KCNH1: variants seen among roughly 807,000 people sequenced by gnomAD.
KCNH1 encodes the protein voltage-gated delayed rectifier potassium channel KCNH1.
KCNH1 carries 27 observed loss-of-function variants against 69.2 expected under a neutral mutation model. That is an observed-to-expected ratio of 0.39 (90% CI 0.29 to 0.54). The LOEUF (loss-of-function observed/expected upper bound fraction) is 0.54. Ranked by LOEUF, KCNH1 falls within the 20% of genes least tolerant of loss-of-function variation. KCNH1 has a pLI of 0.68. For synonymous variants in KCNH1, 456 were observed against 487.7 expected (o/e 0.93, Z 0.86); for missense variants, 798 against 1,261.6 (o/e 0.63, Z 5.57).
chr1:211,056,708 T>C (rs1458085294), intron 5 of KCNH1, among the ~76,000 whole-genome samples: 1 of 152,126 alleles, frequency 6.6e-6, no homozygotes, highest in Non-Finnish European at 1.5e-5. Flanking sequence ...AGACACTCCA[T>C]TGGTTTGGGA....
At chr1:210,843,204 C>A (rs1685459842) in intron 7 of KCNH1, among the ~76,000 whole-genome samples, 1 of 152,158 alleles carries the variant, frequency 6.6e-6, no homozygotes, top group South Asian at 2.1e-4. Flanking sequence ...AGCTCTGCTG[C>A]TTAGGTTGAG....
chr1:211,035,683 T>G (rs183113493), intron 5 of KCNH1, among the ~76,000 whole-genome samples: 5 of 152,294 alleles, frequency 3.3e-5, no homozygotes, highest in Admixed American at 3.3e-4. Flanking sequence ...CACCCTGATA[T>G]AAACTCTTTA....
intron 10 of KCNH1, among the ~76,000 whole-genome samples, chr1:210,684,992 T>C (rs1681377995): frequency 6.6e-6 from 1 of 152,180 alleles, no homozygotes; most frequent in Admixed American, 6.5e-5. Context: ...AAGGGACTTG[T>C]ACCCAAGGTA....
intron 7 of KCNH1, among the ~76,000 whole-genome samples, chr1:210,899,000 T>C (rs1574326024): frequency 6.6e-6 from 1 of 152,286 alleles, no homozygotes; most frequent in East Asian, 1.9e-4. Flanking sequence ...TGGTTTTTAA[T>C]CAGTCTCATT....
intron 10 of KCNH1, among the ~76,000 whole-genome samples, chr1:210,744,599 G>A (rs945875005): frequency 2.6e-5 from 4 of 152,128 alleles, no homozygotes; most frequent in African/African-American, 9.7e-5. Context: ...AGCCAAAATT[G>A]TGCCACTGCA....
At position 210,678,523 on chromosome 1, in the gene KCNH1, T is replaced by C. The variant is rs1681190030; in HGVS notation, c.*4758A>G. 1 of 152,182 alleles carries C rather than the reference T, an allele frequency of 6.6e-6. No individual in the cohort carries two copies. Among genetic ancestry groups the C allele is most frequent in the African/African-American group, 2.4e-5 (1 of 41,436 alleles). The allele number at this position is 152,182 out of a possible 1,614,324, so 9.4% of individuals were successfully genotyped here. A position where few individuals can be genotyped will look rare whatever the true frequency, so the allele number is the denominator to read the frequency against. On this transcript the variant is annotated 3_prime_UTR_variant, in exon 11 of 11. Coordinates refer to ENST00000271751, the MANE Select transcript of KCNH1 (RefSeq NM_172362.3). ...AAATAGTATCAGCTCATTTACACTT[T>C]TGTTTATTCATGCTCATTTGGACAA...
chr1:210,789,102 C>T (rs1363675628), intron 9 of KCNH1, among the ~76,000 whole-genome samples: 1 of 152,040 alleles, frequency 6.6e-6, no homozygotes, highest in Admixed American at 6.5e-5. Context: ...TGACACATAG[C>T]CTTCTCCCTC....
intron 7 of KCNH1, among the ~76,000 whole-genome samples, chr1:210,862,692 A>G (rs1686005417): frequency 6.6e-6 from 1 of 152,224 alleles, no homozygotes; most frequent in African/African-American, 2.4e-5. Context: ...TTTGCTCAAA[A>G]TAAGTATTTA....
chr1:210,813,432 A>G (rs1461952952), intron 7 of KCNH1, among the ~76,000 whole-genome samples: 1 of 152,210 alleles, frequency 6.6e-6, no homozygotes, highest in Non-Finnish European at 1.5e-5. Flanking sequence ...ATGGATGAGG[A>G]GGGGCTGAAG....
intron 10 of KCNH1, among the ~76,000 whole-genome samples, chr1:210,709,172 C>T (rs573207973): frequency 3.9e-5 from 6 of 152,174 alleles, no homozygotes; most frequent in Non-Finnish European, 8.8e-5. Context: ...TTATTTAAAC[C>T]CAGGAGGCAG....
At chr1:211,011,053 A>G (rs1205114093) in intron 6 of KCNH1, among the ~76,000 whole-genome samples, 2 of 152,184 alleles carry the variant, frequency 1.3e-5, no homozygotes, top group African/African-American at 4.8e-5. Context: ...ATAGGTATAC[A>G]CGTGCCATAG....
intron 6 of KCNH1, among the ~76,000 whole-genome samples, chr1:211,018,083 CA>C (rs1558569588): frequency 2.6e-5 from 4 of 152,152 alleles, no homozygotes; most frequent in Admixed American, 1.3e-4. Context: ...GATCTCTGGA[CA>C]AGCTGGCTCC....
chr1:210,977,556 T>C (rs533601189), intron 6 of KCNH1, among the ~76,000 whole-genome samples: 12 of 152,308 alleles, frequency 7.9e-5, no homozygotes, highest in African/African-American at 2.9e-4. Context: ...TATTTTGAAT[T>C]TCTTAATAAA....
intron 7 of KCNH1, among the ~76,000 whole-genome samples, chr1:210,837,556 T>G (rs1317402667): frequency 6.6e-6 from 1 of 152,198 alleles, no homozygotes; most frequent in African/African-American, 2.4e-5. Context: ...AAACTTTTTC[T>G]GTCATTTCTG....
At chr1:211,079,593 G>A (rs1170779265) in intron 5 of KCNH1, among the ~76,000 whole-genome samples, 1 of 152,196 alleles carries the variant, frequency 6.6e-6, no homozygotes, top group Non-Finnish European at 1.5e-5. Flanking sequence ...GCCAAATCCA[G>A]CAGCACATCA....
At chr1:210,985,027 C>T (rs1028155868) in intron 6 of KCNH1, among the ~76,000 whole-genome samples, 2 of 152,100 alleles carry the variant, frequency 1.3e-5, no homozygotes, top group South Asian at 2.1e-4. Context: ...GTGTATATGT[C>T]GAGGAATTTA....
In KCNH1 at chr1:211,002,338, GTATATA is replaced by G. The variant is rs112118983; in HGVS notation, c.1032+16439_1032+16444del. 2.1e-3 allele frequency among the ~76,000 whole-genome samples: 185 copies of G among 87,836 alleles called. 1 individual carries two copies. The highest frequency in any genetic ancestry group is 0.011 in the African/African-American group (174 of 16,272). The allele number at this position is 87,836 out of a possible 152,430, so 57.6% of individuals were successfully genotyped here. ...CGTGTATATATATATGTGTGTGTGT[GTATATA>G]TATATATATACACACACACATATAT... On this transcript the variant is annotated intron_variant, in intron 6 of 10. Transcript: ENST00000271751.
intron 1 of KCNH1, among the ~76,000 whole-genome samples, chr1:211,123,907 C>T (rs1303562209): frequency 1.3e-5 from 2 of 151,872 alleles, no homozygotes; most frequent in African/African-American, 2.4e-5. Flanking sequence ...ACTAGGGACA[C>T]GTGAGAGGTA....
chr1:210,838,978 A>G (rs1304272537), intron 7 of KCNH1, among the ~76,000 whole-genome samples: 2 of 152,358 alleles, frequency 1.3e-5, no homozygotes, highest in South Asian at 2.1e-4. Flanking sequence ...AAATTAGTTC[A>G]ACCATTGTGG....
Sources: gnomAD v4.1 joint callset for allele counts (sites outside exome capture counted in the v4.1 genomes callset) on GRCh38, gnomAD v4.1.1 for gene constraint, MANE v1.5 for transcripts, NCBI Gene and HGNC (gene_info 2026-07-23, HGNC 2026-07-21) for gene names.